The following ZNF148 variants were observed in gnomAD, a reference collection of about 807,000 sequenced individuals.
ZNF148 encodes the protein Beta-Enolase Repressor Factor-1.
ZNF148 carries 7 observed loss-of-function variants against 67.7 expected under a neutral mutation model. The observed-to-expected ratio is 0.10, with a 90% CI of 0.06 to 0.19. ZNF148 has a LOEUF of 0.19. ZNF148 is among the 10% of genes least tolerant of loss of function. ZNF148 has a pLI of 1.00. For synonymous variants in ZNF148, 333 were observed against 330.7 expected (o/e 1.01, Z -0.08); for missense variants, 583 against 947.1 (o/e 0.62, Z 5.05).
intron 7 of ZNF148, among the ~76,000 whole-genome samples, chr3:125,237,153 A>G (rs1027456303): frequency 1.3e-5 from 2 of 152,214 alleles, no homozygotes; most frequent in African/African-American, 4.8e-5. Flanking sequence ...AGAGAAACTG[A>G]TTATCAATAC....
chr3:125,346,865 A>G (rs908644785), intron 1 of ZNF148, among the ~76,000 whole-genome samples: 1 of 152,160 alleles, frequency 6.6e-6, no homozygotes, highest in Non-Finnish European at 1.5e-5. Context: ...TGCTTAATTT[A>G]CAGTAAATTA....
At chr3:125,266,870 T>A (rs953660387) in intron 7 of ZNF148, among the ~76,000 whole-genome samples, 2 of 152,024 alleles carry the variant, frequency 1.3e-5, no homozygotes, top group African/African-American at 4.8e-5. Context: ...AGTGACATTA[T>A]AACTAATCCC....
intron 2 of ZNF148, among the ~76,000 whole-genome samples, chr3:125,328,935 C>T (rs1941146541): frequency 6.6e-6 from 1 of 151,828 alleles, no homozygotes; most frequent in African/African-American, 2.4e-5. Context: ...AATTTATCCA[C>T]CAAATTGTTA....
chr3:125,335,190 T>C (rs953475312), intron 1 of ZNF148, among the ~76,000 whole-genome samples: 12 of 152,250 alleles, frequency 7.9e-5, no homozygotes, highest in South Asian at 6.2e-4. Flanking sequence ...AGAGAAGAAA[T>C]TTTTGTCTGT....
intron 4 of ZNF148, 64 bp downstream of exon 4, chr3:125,313,244 T>C: frequency 7.4e-7 from 1 of 1,343,176 alleles, no homozygotes; most frequent in Non-Finnish European, 1.0e-6. Flanking sequence ...CTTCGATGAC[T>C]TGCAGTATTA....
chr3:125,343,600 A>G (rs930715065), intron 1 of ZNF148, among the ~76,000 whole-genome samples: 12 of 152,152 alleles, frequency 7.9e-5, no homozygotes, highest in Admixed American at 1.3e-4. Context: ...AAAAGCAGCC[A>G]ATTGCAGGGA....
chr3:125,289,282 T>C (rs998327217), intron 4 of ZNF148, among the ~76,000 whole-genome samples: 2 of 152,184 alleles, frequency 1.3e-5, no homozygotes, highest in Non-Finnish European at 2.9e-5. Context: ...AAAACAGCTA[T>C]GTAGAAGAGG....
At chr3:125,289,726 T>C (rs537629157) in intron 4 of ZNF148, among the ~76,000 whole-genome samples, 1 of 152,280 alleles carries the variant, frequency 6.6e-6, no homozygotes, top group African/African-American at 2.4e-5. Context: ...AGCGTGTAAA[T>C]TCCAAATAAA....
At chr3:125,252,920 G>A (rs1045771916) in intron 7 of ZNF148, among the ~76,000 whole-genome samples, 9 of 152,072 alleles carry the variant, frequency 5.9e-5, no homozygotes, top group African/African-American at 2.2e-4. Context: ...ATTATACAAT[G>A]TTTCAAATGA....
intron 1 of ZNF148, among the ~76,000 whole-genome samples, chr3:125,359,172 G>A (rs1942460299): frequency 6.6e-6 from 1 of 152,156 alleles, no homozygotes; most frequent in South Asian, 2.1e-4. Flanking sequence ...TGAGAACCCT[G>A]GGCCCTCTCA....
rs1941864503 is a variant in ZNF148 at position 125,344,546 on chromosome 3, C to T, written c.-233-13308G>A. 10 of 1,068,520 alleles carry T rather than the reference C, an allele frequency of 9.4e-6. No homozygotes were observed. In the South Asian group the frequency reaches 1.0e-4, roughly 11 times the overall value. The allele number at this position is 1,068,520 out of a possible 1,614,324, so 66.2% of individuals were successfully genotyped here. A position where few individuals can be genotyped will look rare whatever the true frequency, so the allele number is the denominator to read the frequency against. Reference sequence around the variant, plus strand: ...GTGAAGCCAAACTCAAATGGACTGTCAAAATGACTTCCACCTCCTCCTCCA... The same window carrying T: ...GTGAAGCCAAACTCAAATGGACTGTTAAAATGACTTCCACCTCCTCCTCCA... On this transcript the variant is annotated intron_variant, in intron 1 of 8. Coordinates refer to ENST00000360647, the MANE Select transcript of ZNF148 (RefSeq NM_021964.3).
At chr3:125,236,320 TCA>T (rs1195009188) in intron 7 of ZNF148, among the ~76,000 whole-genome samples, 1 of 152,152 alleles carries the variant, frequency 6.6e-6, no homozygotes, top group Admixed American at 6.5e-5. Flanking sequence ...TGCCTTGCCC[TCA>T]CAGAGTGTTG....
Position 125,231,330 on chromosome 3 carries a change from C to T in ZNF148, c.*1011G>A, listed in dbSNP as rs921070999. 8 of 152,312 alleles carry T rather than the reference C, an allele frequency of 5.3e-5. No homozygotes were observed. Among genetic ancestry groups the T allele is most frequent in the South Asian group, 2.1e-4 (1 of 4,834 alleles). 9.4% of individuals were successfully genotyped at this position (152,312 alleles called of 1,614,324 possible). On this transcript the variant is annotated 3_prime_UTR_variant, in exon 9 of 9. Coordinates refer to ENST00000360647, the MANE Select transcript of ZNF148 (RefSeq NM_021964.3). ...TGCCAAAAGTTAAAATTGTCAATTA[C>T]GAGATGATTATGACACAACCATATC... is the stretch of plus-strand genomic sequence containing the variant.
Position 125,232,701 on chromosome 3 carries a change from G to A in ZNF148, c.2025C>T (p.His675=), listed in dbSNP as rs1267176396. Residue 675 remains histidine (H), a synonymous_variant, in exon 9 of 9, where the codon CAC becomes CAT. Coordinates refer to ENST00000360647, the MANE Select transcript of ZNF148 (RefSeq NM_021964.3). The surrounding 1 kb of genome is among the most constrained non-coding windows in gnomAD (Gnocchi z 4.2). ...GTGAATCACCAACTATTAGTCCAAA[G>A]TGGGACTTATCTGGAGTTGTTCTTA... ...SPLRTTPDKS[H]FGLIVGDSQH... is the part of the protein sequence containing the mutation. 6.2e-7 allele frequency: 1 copy of A among 1,613,880 alleles called. No individual in the cohort carries two copies. The highest frequency in any genetic ancestry group is 8.5e-7 in the Non-Finnish European group (1 of 1,179,798).
intron 7 of ZNF148, among the ~76,000 whole-genome samples, chr3:125,249,815 T>G (rs566275554): frequency 6.6e-5 from 10 of 151,186 alleles, no homozygotes; most frequent in South Asian, 6.3e-4. Context: ...ATGTGGGGGG[T>G]GTGTGTGTAC....
chr3:125,360,646 C>A (rs148634631), intron 1 of ZNF148, among the ~76,000 whole-genome samples: 19 of 151,914 alleles, frequency 1.3e-4, no homozygotes, highest in African/African-American at 4.6e-4. Context: ...TTTCTTAACC[C>A]ACAAATATCT....
At position 125,233,067 on chromosome 3, in the gene ZNF148, A is replaced by G. The variant is rs1579575974; in HGVS notation, c.1659T>C (p.Asn553=). The G allele has an allele frequency of 5.0e-6, 8 of 1,613,430 alleles. No individual in the cohort carries two copies. In the African/African-American group the frequency reaches 6.7e-5, roughly 13 times the overall value. ...CACTGAAGGATATCTCATGCTGTCC[A>G]TTAGCTTTGTGGGAATAATGATCCA... The part of the protein sequence containing the change: ...TLLDHYSHKA[N]GQHEISFSVA... Residue 553 remains asparagine (N), a synonymous_variant, in exon 9 of 9, where the codon AAT becomes AAC. Transcript: ENST00000360647. This position sits in a 1 kb window ranked among gnomAD's most constrained non-coding sequence, Gnocchi z 5.1.
chr3:125,277,930 C>T (rs1008194821), intron 6 of ZNF148, 121 bp from the exon 7 acceptor site: 18 of 654,372 alleles, frequency 2.8e-5, no homozygotes, highest in Non-Finnish European at 4.3e-5. Context: ...AATAGCCATA[C>T]AAATTTTTAA....
intron 4 of ZNF148, among the ~76,000 whole-genome samples, chr3:125,307,540 G>A (rs950547089): frequency 2.0e-5 from 3 of 152,102 alleles, no homozygotes; most frequent in Non-Finnish European, 2.9e-5. Context: ...TCCTGACCTC[G>A]TGATCCGCCC....
Sources: gnomAD v4.1 joint callset for allele counts (sites outside exome capture counted in the v4.1 genomes callset) on GRCh38, gnomAD v4.1.1 for gene constraint, Gnocchi (gnomAD v3.1) non-coding constraint, MANE v1.5 for transcripts, NCBI Gene and HGNC (gene_info 2026-07-23, HGNC 2026-07-21) for gene names.